The following FAF1 variants were observed in gnomAD, a reference collection of about 807,000 sequenced individuals.
FAF1 encodes the protein FAS-associated factor 1.
Under a neutral mutation model 92.5 loss-of-function variants are expected in FAF1, and 25 were observed. The ratio of observed to expected loss-of-function variants is 0.27; its 90% CI spans 0.20 to 0.38. The LOEUF is 0.38. FAF1 is among the 10% of genes least tolerant of loss of function. The pLI is 1.00. For synonymous variants in FAF1, 234 were observed against 273.2 expected (o/e 0.86, Z 1.42); for missense variants, 636 against 793.3 (o/e 0.80, Z 2.38).
intron 8 of FAF1, among the ~76,000 whole-genome samples, chr1:50,637,744 C>CAT (rs746383348): frequency 1.4e-3 from 216 of 149,646 alleles, no homozygotes; most frequent in African/African-American, 4.9e-3. Flanking sequence ...CATATATACA[C>CAT]ATATATATAT....
At chr1:50,493,675 C>G (rs1471348242) in intron 15 of FAF1, among the ~76,000 whole-genome samples, 3 of 152,190 alleles carry the variant, frequency 2.0e-5, no homozygotes, top group Non-Finnish European at 4.4e-5. Context: ...TCTCTGTATT[C>G]CACATACTGC....
chr1:50,568,641 A>G (rs1355989657), intron 12 of FAF1, among the ~76,000 whole-genome samples: 4 of 152,194 alleles, frequency 2.6e-5, no homozygotes, highest in African/African-American at 9.7e-5. Flanking sequence ...CCCCATTAGC[A>G]TATGAGGAAA....
chr1:50,815,219 C>G (rs1219029456), intron 2 of FAF1, among the ~76,000 whole-genome samples: 1 of 152,048 alleles, frequency 6.6e-6, no homozygotes, highest in Non-Finnish European at 1.5e-5. Context: ...ACTTTTTCAA[C>G]CCCTGTCCAC....
intron 7 of FAF1, among the ~76,000 whole-genome samples, chr1:50,692,242 T>TGG (rs1656964527): frequency 7.5e-4 from 2 of 2,676 alleles, no homozygotes; most frequent in Non-Finnish European, 1.6e-3. Context: ...AAGTATTTAC[T>TGG]GTGTGTGTGT....
At chr1:50,496,689 T>C (rs1160029444) in intron 15 of FAF1, among the ~76,000 whole-genome samples, 4 of 151,232 alleles carry the variant, frequency 2.6e-5, no homozygotes, top group African/African-American at 9.7e-5. Context: ...GTCAGGAGTT[T>C]GAGACCAGCC....
At chr1:50,854,380 G>A (rs1439585641) in intron 2 of FAF1, among the ~76,000 whole-genome samples, 1 of 151,932 alleles carries the variant, frequency 6.6e-6, no homozygotes, top group Admixed American at 6.6e-5. Context: ...TCTCAAGGGA[G>A]GAATCTCAGC....
intron 18 of FAF1, among the ~76,000 whole-genome samples, chr1:50,458,892 A>G (rs1408621683): frequency 3.3e-5 from 5 of 152,180 alleles, no homozygotes; most frequent in Non-Finnish European, 7.4e-5. Flanking sequence ...AATTTACACA[A>G]GATCAAACAC....
chr1:50,490,002 C>T (rs947756606), intron 17 of FAF1, among the ~76,000 whole-genome samples: 17 of 152,044 alleles, frequency 1.1e-4, no homozygotes, highest in Admixed American at 7.2e-4. Flanking sequence ...ATTAAGGAAA[C>T]GTTAGGTCTT....
intron 1 of FAF1, among the ~76,000 whole-genome samples, chr1:50,871,118 T>G (rs1305061714): frequency 6.6e-6 from 1 of 152,174 alleles, no homozygotes; most frequent in African/African-American, 2.4e-5. Flanking sequence ...CAAAACCTAA[T>G]GCAGAGCAAG....
intron 17 of FAF1, among the ~76,000 whole-genome samples, chr1:50,476,616 C>G (rs1477490826): frequency 6.6e-6 from 1 of 151,970 alleles, no homozygotes; most frequent in Non-Finnish European, 1.5e-5. Context: ...TGTCTAGAAC[C>G]CTGAGAAAGA....
chr1:50,585,318 C>T (rs1325012525), intron 9 of FAF1, among the ~76,000 whole-genome samples: 1 of 152,124 alleles, frequency 6.6e-6, no homozygotes, highest in Non-Finnish European at 1.5e-5. Context: ...AAATACACTA[C>T]ATATGAAAGC....
At chr1:50,925,847 G>A (rs183865825) in intron 1 of FAF1, among the ~76,000 whole-genome samples, 46 of 152,296 alleles carry the variant, frequency 3.0e-4, no homozygotes, top group African/African-American at 1.1e-3. Flanking sequence ...CAGCCTAAAT[G>A]TCCATCAACA....
At chr1:50,771,376 A>G (rs937100379) in intron 4 of FAF1, among the ~76,000 whole-genome samples, 5 of 152,244 alleles carry the variant, frequency 3.3e-5, no homozygotes. Flanking sequence ...TTTGCATCCA[A>G]TAAAGGTCTA....
intron 6 of FAF1, among the ~76,000 whole-genome samples, chr1:50,711,760 C>T (rs950767354): frequency 2.0e-5 from 3 of 152,136 alleles, no homozygotes; most frequent in Non-Finnish European, 2.9e-5. Context: ...CCACCACACC[C>T]GGCCTGTTCT....
chr1:50,580,455 A>C (rs771669792), intron 12 of FAF1, among the ~76,000 whole-genome samples: 4 of 151,954 alleles, frequency 2.6e-5, no homozygotes, highest in Non-Finnish European at 5.9e-5. Context: ...GAAGATAAAA[A>C]TATGGCAAAA....
At chr1:50,513,263 T>C (rs1239848542) in intron 15 of FAF1, among the ~76,000 whole-genome samples, 1 of 152,146 alleles carries the variant, frequency 6.6e-6, no homozygotes, top group Non-Finnish European at 1.5e-5. Context: ...GCAGATTGCT[T>C]GAGCCCAGGA....
intron 4 of FAF1, among the ~76,000 whole-genome samples, chr1:50,754,115 T>C (rs1465347168): frequency 6.6e-6 from 1 of 152,148 alleles, no homozygotes; most frequent in African/African-American, 2.4e-5. Context: ...TCAATTTCTC[T>C]CCTCATTATG....
At chr1:50,609,090 AC>A (rs1404233627) in intron 8 of FAF1, among the ~76,000 whole-genome samples, 2 of 152,228 alleles carry the variant, frequency 1.3e-5, no homozygotes, top group Non-Finnish European at 2.9e-5. Context: ...TAGTTACTGA[AC>A]AACCACAATG....
chr1:50,677,895 CAA>C (rs1036524797), intron 7 of FAF1, among the ~76,000 whole-genome samples: 12 of 62,550 alleles, frequency 1.9e-4, no homozygotes, highest in Admixed American at 1.9e-4. Flanking sequence ...AACTCTGCCT[CAA>C]AAAAAAAAAA....
Sources: allele counts gnomAD v4.1 joint callset (sites outside exome capture counted in the v4.1 genomes callset), GRCh38; gene constraint gnomAD v4.1.1; transcripts MANE v1.5; gene names NCBI Gene and HGNC (gene_info 2026-07-23, HGNC 2026-07-21).